The following ABCA8 variants were observed in gnomAD, a reference collection of about 807,000 sequenced individuals.
The protein encoded by ABCA8 is ABC-type organic anion transporter ABCA8.
ABCA8 carries 177 observed loss-of-function variants against 192.3 expected under a neutral mutation model. The observed-to-expected ratio is 0.92, with a 90% confidence interval of 0.81 to 1.04. ABCA8 has a LOEUF of 1.04. ABCA8 is among the 50% of genes least tolerant of loss of function. The pLI is 0.00. For missense variants in ABCA8, 1,915 were observed against 1,904.8 expected (o/e 1.01, Z -0.10); for synonymous variants, 642 against 690.2 (o/e 0.93, Z 1.09).
At chr17:68,876,310 T>G in intron 35 of ABCA8, 150 bp downstream of exon 35, 2 of 837,682 alleles carry the variant, frequency 2.4e-6, no homozygotes, top group Non-Finnish European at 3.7e-6. Flanking sequence ...AGATCTTTTT[T>G]TTTTGCAAAG....
intron 14 of ABCA8, 88 bp downstream of exon 14, chr17:68,919,213 G>T: frequency 1.6e-6 from 2 of 1,221,636 alleles, no homozygotes; most frequent in African/African-American, 1.5e-5. Flanking sequence ...AATGATTTGC[G>T]CACAAATAAT....
intron 17 of ABCA8, among the ~76,000 whole-genome samples, chr17:68,915,774 G>A (rs1359804763): frequency 1.3e-5 from 2 of 152,052 alleles, no homozygotes; most frequent in Non-Finnish European, 2.9e-5. Context: ...CCACTACTAG[G>A]TATATACCCC....
chr17:68,877,976 T>C (rs2066249930), intron 32 of ABCA8: 2 of 272,100 alleles, frequency 7.4e-6, no homozygotes, highest in South Asian at 1.3e-4. Context: ...ACTGTCAAAA[T>C]GAAGCATATT....
rs758380702 is a variant in ABCA8, at chr17:68,940,896, C to G, written c.163G>C (p.Asp55His). The change falls in exon 4 of 40, where the codon GAT becomes CAT. Residue 55 changes from aspartate (D) to histidine (H), a missense_variant. Transcript: ENST00000586539. ...TCCATGGTAAGCAGTGAAGAAAAAT[C>G]ATTTACTTGATGACTATGAGGATAT... ...YIYPHSHQVN[D>H]FSSLLTMDLG... The G allele has an allele frequency of 6.2e-7, 1 of 1,612,606 alleles. No individual in the cohort carries two copies. The highest frequency in any genetic ancestry group is 8.5e-7 in the Non-Finnish European group (1 of 1,179,008).
chr17:68,916,028 A>G (rs963238422), intron 17 of ABCA8, among the ~76,000 whole-genome samples: 2 of 152,206 alleles, frequency 1.3e-5, no homozygotes, highest in Admixed American at 1.3e-4. Flanking sequence ...AGGCACAGAA[A>G]GACAAACTTC....
Position 68,951,536 on chromosome 17 carries a change from A to G in ABCA8, c.-166-2064T>C, listed in dbSNP as rs115110705. On this transcript the variant is annotated intron_variant, in intron 1 of 39. Transcript: ENST00000586539. ...CATCCTTTCTAATGTTATATTTCCT[A>G]GATCAATCATTTCATAATAGAGTTC... Among the ~76,000 whole-genome samples, 213 of 152,320 alleles carry G rather than the reference A, an allele frequency of 1.4e-3. 2 individuals are homozygous for G. Among genetic ancestry groups the G allele is most frequent in the African/African-American group, 5.0e-3 (209 of 41,586 alleles).
intron 1 of ABCA8, among the ~76,000 whole-genome samples, chr17:68,954,143 G>A (rs956928249): frequency 8.0e-5 from 12 of 149,790 alleles, no homozygotes; most frequent in Non-Finnish European, 1.6e-4. Context: ...CCACTAACTC[G>A]TCATCTAGCA....
At chr17:68,928,731 G>A (rs1056756115) in intron 9 of ABCA8, among the ~76,000 whole-genome samples, 2 of 151,902 alleles carry the variant, frequency 1.3e-5, no homozygotes, top group African/African-American at 4.8e-5. Flanking sequence ...CAATTACTAG[G>A]TAAAAACATG....
chr17:68,886,579 C>T (rs2066466559), intron 26 of ABCA8, among the ~76,000 whole-genome samples: 2 of 152,142 alleles, frequency 1.3e-5, no homozygotes, highest in Middle Eastern at 3.2e-3. Flanking sequence ...GAAAATAACT[C>T]GTGACTATTT....
At chr17:68,915,884 T>C (rs187742684) in intron 17 of ABCA8, among the ~76,000 whole-genome samples, 162 of 152,254 alleles carry the variant, frequency 1.1e-3, no homozygotes, top group African/African-American at 3.8e-3. Context: ...TAAGTGTCCA[T>C]CAACAGATGA....
At chr17:68,926,783 A>G (rs1198752765) in intron 10 of ABCA8, among the ~76,000 whole-genome samples, 6 of 152,146 alleles carry the variant, frequency 3.9e-5, no homozygotes, top group Non-Finnish European at 7.4e-5. Flanking sequence ...CAAAAACAAA[A>G]CAGGATGAAT....
Position 68,928,000 on chromosome 17 carries a change from G to A in ABCA8, c.1189C>T (p.Leu397Phe), listed in dbSNP as rs769729696. Residue 397 changes from leucine to phenylalanine, a missense_variant, in exon 10 of 40, where the codon CTC becomes TTC. By Grantham distance (22) the Leu-to-Phe change is conservative. Transcript: ENST00000586539. ...AFPHPSDGSN[L>F]IVATNFMLAF... ...AACATGAAATTTGTTGCTACAATGA[G>A]ATTTGAGCCGTCCGATGGATGAGGA... 8 of 1,607,858 alleles carry A rather than the reference G, an allele frequency of 5.0e-6. No individual in the cohort carries two copies. Among genetic ancestry groups the A allele is most frequent in the Non-Finnish European group, 5.9e-6 (7 of 1,177,446 alleles).
Position 68,932,511 on chromosome 17 carries a change from T to C in ABCA8, c.574A>G (p.Thr192Ala), listed in dbSNP as rs750310407. ...TCCTCCATCACTGAGTGATTTGTTG[T>C]GATCTGAAGAAAGGCATTAATAAGC... is the stretch of plus-strand genomic sequence containing the variant. The part of the protein sequence containing the change: ...AAINAAIIEI[T>A]TNHSVMEELM... Residue 192 changes from threonine to alanine, a missense_variant, in exon 7 of 40, where the codon ACA becomes GCA. Physicochemically the swap from Thr to Ala is moderately conservative, Grantham distance 58 (BLOSUM62 0). Transcript: ENST00000586539. 1 of 1,606,926 alleles carries C rather than the reference T, an allele frequency of 6.2e-7. No individual in the cohort carries two copies. Among genetic ancestry groups the C allele is most frequent in the Non-Finnish European group, 8.5e-7 (1 of 1,173,860 alleles).
Position 68,919,446 on chromosome 17 carries a change from G to A in ABCA8, c.1643C>T (p.Ser548Leu). ...GAGATTTTCTAGGTCAGCCATTTCT[G>A]AAAGCTTATTGTTATAGATGGTGAC... ...GSVTIYNNKLSEMADLENLSK... is the reference protein window; with the variant it reads ...GSVTIYNNKLLEMADLENLSK... The change falls in exon 14 of 40, where the codon TCA becomes TTA. Residue 548 changes from serine (S) to leucine (L), a missense_variant. By Grantham distance (145) the Ser-to-Leu change is moderately radical. Coordinates refer to ENST00000586539, the MANE Select transcript of ABCA8 (RefSeq NM_001288985.2). The A allele has an allele frequency of 5.0e-6, 8 of 1,613,998 alleles. No homozygotes were observed. The highest frequency in any genetic ancestry group is 6.8e-6 in the Non-Finnish European group (8 of 1,179,956).
chr17:68,887,987 T>TAC (rs201217803), intron 24 of ABCA8, among the ~76,000 whole-genome samples: 6 of 139,754 alleles, frequency 4.3e-5, no homozygotes, highest in East Asian at 2.1e-4. Flanking sequence ...TATGGATATA[T>TAC]ACACACACAC....
At chr17:68,946,365 C>A (rs115354690) in intron 2 of ABCA8, among the ~76,000 whole-genome samples, 9,828 of 152,148 alleles carry the variant, frequency 0.065, 1,066 homozygotes, top group African/African-American at 0.22. Flanking sequence ...CGCACCCAGC[C>A]GCTTTTTACC....
At chr17:68,884,280 T>G in intron 28 of ABCA8, 51 bp downstream of exon 28, 1 of 1,470,936 alleles carries the variant, frequency 6.8e-7, no homozygotes, top group Non-Finnish European at 9.0e-7. Context: ...GAACTGAAAA[T>G]TATTAAATTT....
intron 16 of ABCA8, 143 bp from the exon 17 acceptor site, chr17:68,917,594 A>G: frequency 1.8e-6 from 1 of 567,110 alleles, no homozygotes; most frequent in East Asian, 2.8e-5. Flanking sequence ...TAAGGACTCA[A>G]TGAAATAGAC....
chr17:68,871,937 A>G (rs1270312593), intron 37 of ABCA8, among the ~76,000 whole-genome samples: 1 of 152,156 alleles, frequency 6.6e-6, no homozygotes. Flanking sequence ...TTTTATCATT[A>G]TTTTAGAGTG....
Sources: gnomAD v4.1 joint callset for allele counts (sites outside exome capture counted in the v4.1 genomes callset) on GRCh38, gnomAD v4.1.1 for gene constraint, MANE v1.5 for transcripts, NCBI Gene and HGNC (gene_info 2026-07-23, HGNC 2026-07-21) for gene names.